The following WWOX variants were observed in gnomAD, a reference collection of about 807,000 sequenced individuals.
The protein encoded by WWOX is WW domain-containing oxidoreductase.
WWOX carries 69 observed loss-of-function variants against 46.2 expected under a neutral mutation model. The ratio of observed to expected loss-of-function variants is 1.49; its 90% CI spans 1.23 to 1.82. The LOEUF (loss-of-function observed/expected upper bound fraction) is 1.82, where lower values mean the gene tolerates loss of function less well. Ranked by LOEUF, WWOX falls within the 40% of genes most tolerant of loss-of-function variation. The pLI is 0.00. For missense variants in WWOX, 919 were observed against 542.6 expected (o/e 1.69, Z -6.89); for synonymous variants, 359 against 202.6 (o/e 1.77, Z -6.56).
At chr16:78,330,456 G>C (rs1054455439) in intron 5 of WWOX, among the ~76,000 whole-genome samples, 2 of 151,914 alleles carry the variant, frequency 1.3e-5, no homozygotes, top group Non-Finnish European at 2.9e-5. Flanking sequence ...TAGTGCACTG[G>C]CGTGATCTCA....
chr16:79,001,496 G>A (rs1378481114), intron 8 of WWOX, among the ~76,000 whole-genome samples: 1 of 152,142 alleles, frequency 6.6e-6, no homozygotes, highest in African/African-American at 2.4e-5. Flanking sequence ...TATATAGTGT[G>A]TAATACCCAG....
At chr16:78,743,282 C>T (rs2049274480) in intron 8 of WWOX, among the ~76,000 whole-genome samples, 2 of 152,140 alleles carry the variant, frequency 1.3e-5, no homozygotes, top group Admixed American at 1.3e-4. Flanking sequence ...GTGTATCCCT[C>T]AGAGACCAGT....
chr16:78,682,193 C>G (rs548368199), intron 8 of WWOX, among the ~76,000 whole-genome samples: 1 of 152,292 alleles, frequency 6.6e-6, no homozygotes, highest in East Asian at 1.9e-4. Flanking sequence ...GGATCTGCTA[C>G]AATCGCTTGA....
At chr16:78,528,420 A>G (rs1342054762) in intron 8 of WWOX, among the ~76,000 whole-genome samples, 1 of 151,800 alleles carries the variant, frequency 6.6e-6, no homozygotes, top group Non-Finnish European at 1.5e-5. Context: ...CCCATCCAGA[A>G]AGTGGCTCGT....
At chr16:78,909,926 A>G (rs1597137869) in intron 8 of WWOX, among the ~76,000 whole-genome samples, 1 of 152,226 alleles carries the variant, frequency 6.6e-6, no homozygotes, top group Non-Finnish European at 1.5e-5. Flanking sequence ...AATTGTAATG[A>G]TATTTCTGGG....
At chr16:78,316,005 G>T (rs2080349557) in intron 5 of WWOX, among the ~76,000 whole-genome samples, 1 of 152,054 alleles carries the variant, frequency 6.6e-6, no homozygotes, top group Admixed American at 6.5e-5. Flanking sequence ...CAGCACTTTG[G>T]GAGGCTGAGG....
intron 8 of WWOX, among the ~76,000 whole-genome samples, chr16:78,765,503 A>T (rs1404447099): frequency 6.6e-6 from 1 of 152,056 alleles, no homozygotes; most frequent in Non-Finnish European, 1.5e-5. Context: ...ACATGGTGAA[A>T]CCCCATCTCT....
chr16:78,822,897 C>G (rs969156053), intron 8 of WWOX, among the ~76,000 whole-genome samples: 2 of 148,776 alleles, frequency 1.3e-5, no homozygotes, highest in African/African-American at 5.0e-5. Context: ...CAAGAAACAT[C>G]ATAAAGGGGC....
At chr16:79,027,398 G>A (rs760657033) in intron 8 of WWOX, among the ~76,000 whole-genome samples, 1 of 151,674 alleles carries the variant, frequency 6.6e-6, no homozygotes, top group Non-Finnish European at 1.5e-5. Flanking sequence ...ACTTCAAGGA[G>A]CAAGGCCATT....
intron 8 of WWOX, among the ~76,000 whole-genome samples, chr16:78,935,340 A>G (rs2045713428): frequency 6.6e-6 from 1 of 152,180 alleles, no homozygotes; most frequent in African/African-American, 2.4e-5. Flanking sequence ...AATAGCAAAG[A>G]CTTGGAACCA....
At chr16:78,704,205 T>C (rs901334762) in intron 8 of WWOX, among the ~76,000 whole-genome samples, 2 of 151,856 alleles carry the variant, frequency 1.3e-5, no homozygotes, top group Non-Finnish European at 2.9e-5. Context: ...AGCCTCAACA[T>C]CTGTCTATAA....
intron 8 of WWOX, among the ~76,000 whole-genome samples, chr16:79,155,266 C>G (rs12933716): frequency 6.6e-6 from 1 of 151,970 alleles, no homozygotes; most frequent in Non-Finnish European, 1.5e-5. Flanking sequence ...GTTCCAGCTA[C>G]TCGGGAGGCC....
intron 8 of WWOX, among the ~76,000 whole-genome samples, chr16:78,701,607 A>G (rs1411115040): frequency 1.3e-5 from 2 of 150,204 alleles, no homozygotes; most frequent in Non-Finnish European, 3.0e-5. Context: ...CCCTCCACCC[A>G]CCTGCCTCCC....
intron 8 of WWOX, among the ~76,000 whole-genome samples, chr16:78,486,144 G>A (rs1348973667): frequency 1.3e-5 from 2 of 152,096 alleles, no homozygotes; most frequent in African/African-American, 4.8e-5. Flanking sequence ...CTCTGTTGGC[G>A]GGAACTAGGG....
At chr16:78,201,770 A>G (rs7184764) in intron 5 of WWOX, among the ~76,000 whole-genome samples, 41,301 of 151,480 alleles carry the variant, frequency 0.27, 5,737 homozygotes, top group East Asian at 0.38. Context: ...TGTGACCTTG[A>G]CTCACTGCAA....
At chr16:78,890,077 AG>A (rs2044555122) in intron 8 of WWOX, among the ~76,000 whole-genome samples, 1 of 152,108 alleles carries the variant, frequency 6.6e-6, no homozygotes, top group South Asian at 2.1e-4. Flanking sequence ...AATTGCTCCT[AG>A]GGAAATACAC....
intron 8 of WWOX, chr16:78,897,628 C>T (rs1369790012): frequency 2.0e-5 from 3 of 152,090 alleles, no homozygotes; most frequent in South Asian, 2.1e-4. Flanking sequence ...AAAGCTACCA[C>T]GAATATTCAT....
chr16:78,321,327 CGT>C (rs2080468049), intron 5 of WWOX, among the ~76,000 whole-genome samples: 1 of 58,178 alleles, frequency 1.7e-5, no homozygotes, highest in Admixed American at 1.8e-4. Flanking sequence ...TATATATATA[CGT>C]ATATATGCGT....
At position 78,628,578 on chromosome 16, in the gene WWOX, C is replaced by T. The variant is rs188100411; in HGVS notation, c.1056+195826C>T. On this transcript the variant is annotated intron_variant, in intron 8 of 8. Transcript: ENST00000566780. ...GCCTCCCCATGCAAGGATAATTACA[C>T]AGAATAAGCACTGAGATGCCTGTTG... Among the ~76,000 whole-genome samples the T allele has an allele frequency of 5.3e-5, 8 of 152,222 alleles. No individual in the cohort carries two copies. The East Asian group carries it at 1.5e-3, about 29-fold the overall frequency.
Sources: gnomAD v4.1 joint callset for allele counts (sites outside exome capture counted in the v4.1 genomes callset) on GRCh38, gnomAD v4.1.1 for gene constraint, MANE v1.5 for transcripts, NCBI Gene and HGNC (gene_info 2026-07-23, HGNC 2026-07-21) for gene names.